Variants in ZNF469 observed in about 807,000 individuals in gnomAD.
ZNF469 encodes zinc finger protein 469.
In ZNF469, 1 loss-of-function variant was observed where a neutral mutation model predicts 1.0. The observed-to-expected ratio is 1.00, with a 90% CI of 0.35 to 4.73. The LOEUF is 4.73. ZNF469 is among the 30% of genes most tolerant of loss of function. The probability of loss-of-function intolerance (pLI) is 0.16; values close to 1 mark genes in which losing one functional copy is unlikely to be tolerated. For synonymous variants in ZNF469, 2,703 were observed against 2,363.4 expected, an observed-to-expected ratio of 1.14 and a Z score of -4.17; for missense variants, 6,100 against 5,356.3, an observed-to-expected ratio of 1.14 and a Z score of -4.33.
At chr16:88,237,132 T>C in the ZNF469 span, among the ~76,000 whole-genome samples, 1 of 140,620 alleles carries the variant, frequency 7.1e-6, no homozygotes, top group Non-Finnish European at 1.5e-5. Context: ...GGCCCCTAAA[T>C]CCTCCATGCT....
chr16:88,191,429 A>G, the ZNF469 span: 2 of 152,292 alleles, frequency 1.3e-5, no homozygotes, highest in African/African-American at 4.8e-5. Context: ...GGGGGCTGCA[A>G]AGGCATCAAC....
At chr16:88,216,323 G>A in the ZNF469 span, among the ~76,000 whole-genome samples, 2 of 151,858 alleles carry the variant, frequency 1.3e-5, no homozygotes, top group African/African-American at 2.4e-5. Flanking sequence ...ATGAAACCCC[G>A]TCTCTCCTAA....
upstream of ZNF469, among the ~76,000 whole-genome samples, chr16:88,380,931 C>T (rs115465103): frequency 0.43 from 56,590 of 130,258 alleles, 15,125 homozygotes; most frequent in African/African-American, 0.76. Context: ...CACACAGACA[C>T]GCACTCACAC....
chr16:88,228,272 C>T, the ZNF469 span, among the ~76,000 whole-genome samples: 2 of 152,228 alleles, frequency 1.3e-5, no homozygotes, highest in South Asian at 2.1e-4. Context: ...TCGCAGGCTC[C>T]GAGCAACGGG....
intron 1 of ZNF469, among the ~76,000 whole-genome samples, chr16:88,409,613 G>T (rs1045473351): frequency 5.9e-5 from 9 of 152,218 alleles, no homozygotes; most frequent in African/African-American, 1.9e-4. Context: ...CTCATAGGCC[G>T]TGTGCACCCC....
the ZNF469 span, among the ~76,000 whole-genome samples, chr16:88,370,208 T>G: frequency 6.6e-6 from 1 of 152,204 alleles, no homozygotes; most frequent in Non-Finnish European, 1.5e-5. Flanking sequence ...ACGCACCTAT[T>G]CGGCACAATT....
chr16:88,239,435 T>C, the ZNF469 span, among the ~76,000 whole-genome samples: 1 of 151,170 alleles, frequency 6.6e-6, no homozygotes, highest in African/African-American at 2.4e-5. Flanking sequence ...CAGGTGAGAC[T>C]TGGAATATGA....
chr16:88,122,543 A>G, the ZNF469 span, among the ~76,000 whole-genome samples: 2 of 151,360 alleles, frequency 1.3e-5, no homozygotes, highest in African/African-American at 4.9e-5. Context: ...TGGCCACGGC[A>G]GCCACTCAGA....
the ZNF469 span, among the ~76,000 whole-genome samples, chr16:88,364,528 T>G: frequency 2.3e-4 from 34 of 150,146 alleles, no homozygotes; most frequent in African/African-American, 7.6e-4. Context: ...TGCTGGGATT[T>G]AGACTGAAAT....
intron 1 of ZNF469, among the ~76,000 whole-genome samples, chr16:88,423,192 T>C (rs1905559541): frequency 9.1e-6 from 1 of 109,738 alleles, no homozygotes; most frequent in African/African-American, 3.3e-5. Context: ...GGTGGGTGGA[T>C]GGATGGATGG....
At chr16:88,275,513 G>T in the ZNF469 span, among the ~76,000 whole-genome samples, 8 of 152,166 alleles carry the variant, frequency 5.3e-5, no homozygotes, top group Admixed American at 2.0e-4. Context: ...ACCTTCCGGG[G>T]CGTTGATGGC....
chr16:88,436,411 G>T lies in ZNF469; in HGVS notation c.8941G>T (p.Asp2981Tyr), dbSNP rs1343847655. The change falls in exon 3 of 3, where the codon GAC becomes TAC. Residue 2981 changes from aspartate to tyrosine, a missense_variant. Asp to Tyr is a radical substitution (Grantham distance 160). Coordinates refer to ENST00000565624, the MANE Select transcript of ZNF469 (RefSeq NM_001367624.2). ...AEKLPSHCPE[D>Y]DRPEAIPELH... ...GAAGCTGCCCTCCCACTGCCCCGAG[G>T]ACGATCGGCCGGAGGCCATTCCTGA... 6 of 1,549,460 alleles carry T rather than the reference G, an allele frequency of 3.9e-6. No individual in the cohort carries two copies. Among genetic ancestry groups the T allele is most frequent in the Non-Finnish European group, 4.4e-6 (5 of 1,146,952 alleles).
At chr16:88,394,631 C>T (rs1330032818) in intron 1 of ZNF469, among the ~76,000 whole-genome samples, 2 of 152,192 alleles carry the variant, frequency 1.3e-5, no homozygotes, top group African/African-American at 4.8e-5. Flanking sequence ...GGCCTGGCAT[C>T]TCCTCTGCCG....
At chr16:88,101,321 C>G in the ZNF469 span, among the ~76,000 whole-genome samples, 1 of 152,150 alleles carries the variant, frequency 6.6e-6, no homozygotes, top group Non-Finnish European at 1.5e-5. Context: ...GCCAAGAGCT[C>G]AAAGGCGAAT....
Position 88,439,447 on chromosome 16 carries a change from A to G in ZNF469, c.*115A>G. The G allele has an allele frequency of 8.6e-7, 1 of 1,159,270 alleles. No individual in the cohort carries two copies. Among genetic ancestry groups the G allele is most frequent in the South Asian group, 1.4e-5 (1 of 73,886 alleles). 71.8% of individuals were successfully genotyped at this position (1,159,270 alleles called of 1,614,324 possible). On this transcript the variant is annotated 3_prime_UTR_variant, in exon 3 of 3. Coordinates refer to ENST00000565624, the MANE Select transcript of ZNF469 (RefSeq NM_001367624.2). ...TCTGTGGCCACTTGACTTCTTGTGCAACTGCTCAGGCCTTGATGTCAGAGC... is the reference window on the plus strand; with the variant it reads ...TCTGTGGCCACTTGACTTCTTGTGCGACTGCTCAGGCCTTGATGTCAGAGC...
the ZNF469 span, among the ~76,000 whole-genome samples, chr16:88,182,174 T>G: frequency 6.6e-6 from 1 of 152,108 alleles, no homozygotes; most frequent in African/African-American, 2.4e-5. Flanking sequence ...ACAAAATATG[T>G]GCAAAATTTG....
At chr16:88,192,497 C>T in the ZNF469 span, among the ~76,000 whole-genome samples, 1 of 152,200 alleles carries the variant, frequency 6.6e-6, no homozygotes, top group Non-Finnish European at 1.5e-5. Context: ...TTTGGGGTCA[C>T]AAGTGTCTCT....
chr16:88,208,412 G>T, the ZNF469 span, among the ~76,000 whole-genome samples: 2 of 148,978 alleles, frequency 1.3e-5, no homozygotes, highest in Non-Finnish European at 3.0e-5. Context: ...CATTACTACT[G>T]GGGTGCCTCG....
chr16:88,157,808 C>A, the ZNF469 span, among the ~76,000 whole-genome samples: 1 of 151,914 alleles, frequency 6.6e-6, no homozygotes, highest in Non-Finnish European at 1.5e-5. Flanking sequence ...TGTTATATGA[C>A]CGTGCCATCC....
Sources: gnomAD v4.1 joint callset for allele counts (sites outside exome capture counted in the v4.1 genomes callset) on GRCh38, gnomAD v4.1.1 for gene constraint, MANE v1.5 for transcripts, NCBI Gene and HGNC (gene_info 2026-07-23, HGNC 2026-07-21) for gene names.